Variants in LPP observed in about 807,000 individuals in gnomAD.
The protein encoded by LPP is lipoma-preferred partner.
A neutral mutation model predicts 60.4 loss-of-function variants in LPP; 38 were observed. That is an observed-to-expected ratio of 0.63 (90% CI 0.49 to 0.83). LPP has a LOEUF of 0.83. LPP is among the 40% of genes least tolerant of loss of function. The pLI is 0.00. For synonymous variants in LPP, 328 were observed against 290.8 expected, an observed-to-expected ratio of 1.13 and a Z score of -1.30; for missense variants, 902 against 783.6, an observed-to-expected ratio of 1.15 and a Z score of -1.80.
At chr3:188,543,031 G>C (rs1405199811) in intron 6 of LPP, among the ~76,000 whole-genome samples, 1 of 151,720 alleles carries the variant, frequency 6.6e-6, no homozygotes, top group Non-Finnish European at 1.5e-5. Context: ...CCTCAGGTCT[G>C]ACTGCTCTTT....
intron 3 of LPP, among the ~76,000 whole-genome samples, chr3:188,350,186 A>G (rs1406360783): frequency 6.6e-6 from 1 of 152,190 alleles, no homozygotes; most frequent in Non-Finnish European, 1.5e-5. Flanking sequence ...TAGCTTGCTA[A>G]GAAATTGAAG....
Position 188,342,488 on chromosome 3 carries a change from A to G in LPP, c.-10+769A>G, listed in dbSNP as rs144938717. On this transcript the variant is annotated intron_variant, in intron 3 of 11. Coordinates refer to ENST00000617246, the MANE Select transcript of LPP (RefSeq NM_001375462.1). ...CAACCTGCTGAATCTGTACCTTCTA[A>G]TGAGCTCTACTGTGTTTTATGTAAT... 5.5e-3 allele frequency among the ~76,000 whole-genome samples: 845 copies of G among 152,326 alleles called. 8 individuals carry two copies. The highest frequency in any genetic ancestry group is 0.017 in the Middle Eastern group (5 of 294).
rs373917408 is a variant in LPP, at chr3:188,240,553, T to G, written c.-67+15026T>G. The stretch of plus-strand genomic sequence containing the variant: ...AGGAAACTGATGTGCCTAGAGTAGT[T>G]GAGAGCTTTATTCAAACTCATTCCA... On this transcript the variant is annotated intron_variant, in intron 2 of 11. Transcript: ENST00000617246. Among the ~76,000 whole-genome samples the G allele has an allele frequency of 3.3e-5, 5 of 152,196 alleles. No homozygotes were observed. The East Asian group carries it at 7.7e-4, about 23-fold the overall frequency.
chr3:188,890,038 C>T lies in LPP; in HGVS notation c.*15559C>T, dbSNP rs927098959. Reference sequence around the variant, plus strand: ...TGGGAAGAAACACAGCATGGCTTTGCTCTGAGTTTCAATCTGATGATTATG... The same window carrying T: ...TGGGAAGAAACACAGCATGGCTTTGTTCTGAGTTTCAATCTGATGATTATG... On this transcript the variant is annotated 3_prime_UTR_variant, in exon 12 of 12. Transcript: ENST00000617246. The T allele has an allele frequency of 1.9e-5, 4 of 213,276 alleles. No homozygotes were observed. Among genetic ancestry groups the T allele is most frequent in the Non-Finnish European group, 3.8e-5 (4 of 105,684 alleles). The allele number at this position is 213,276 out of a possible 1,614,324, so 13.2% of individuals were successfully genotyped here.
Position 188,610,899 on chromosome 3 carries a change from C to T in LPP, c.1113+1055C>T, listed in dbSNP as rs1341213993. Among the ~76,000 whole-genome samples, 1 of 152,094 alleles carries T rather than the reference C, an allele frequency of 6.6e-6. No individual in the cohort carries two copies. On this transcript the variant is annotated intron_variant, in intron 7 of 11. Coordinates refer to ENST00000617246, the MANE Select transcript of LPP (RefSeq NM_001375462.1). The surrounding 1 kb of genome is among the most constrained non-coding windows in gnomAD (Gnocchi z 4.4). ...TGTGAGAAATCAGAAATTTGAGAGC[C>T]CTCAATTAGCTAGAAGTTCAATGGT...
rs575272525 is a variant in LPP at position 188,366,572 on chromosome 3, T to A, written c.-10+24853T>A. Among the ~76,000 whole-genome samples, 11 of 152,338 alleles carry A rather than the reference T, an allele frequency of 7.2e-5. No individual in the cohort carries two copies. The South Asian group carries it at 1.0e-3, about 14-fold the overall frequency. On this transcript the variant is annotated intron_variant, in intron 3 of 11. Transcript: ENST00000617246. ...ACTCTCGCCTGAATTCCTTAACGTG[T>A]GTGAGGTATTTTGGTGTGTGGCTAG...
intron 8 of LPP, chr3:188,759,291 A>G (rs1731358452): frequency 6.6e-6 from 1 of 152,254 alleles, no homozygotes; most frequent in Non-Finnish European, 1.5e-5. Context: ...CAATTTAAGA[A>G]TGCTGGAGCT....
chr3:188,475,801 G>C (rs1185712811), intron 4 of LPP, among the ~76,000 whole-genome samples: 1 of 152,198 alleles, frequency 6.6e-6, no homozygotes, highest in Non-Finnish European at 1.5e-5. Context: ...TACTCGGGAG[G>C]CTGAGGCAGG....
At chr3:188,700,827 A>C (rs1864253920) in intron 7 of LPP, among the ~76,000 whole-genome samples, 1 of 152,232 alleles carries the variant, frequency 6.6e-6, no homozygotes, top group African/African-American at 2.4e-5. Context: ...AGGATCTGTA[A>C]ATATGAATAT....
chr3:188,329,098 C>T (rs1271512172), intron 2 of LPP, among the ~76,000 whole-genome samples: 3 of 152,074 alleles, frequency 2.0e-5, no homozygotes, highest in African/African-American at 7.2e-5. Context: ...TAATTTTGAA[C>T]TTGTGGACTC....
chr3:188,357,550 C>G (rs2150902126), intron 3 of LPP, among the ~76,000 whole-genome samples: 1 of 152,242 alleles, frequency 6.6e-6, no homozygotes, highest in Non-Finnish European at 1.5e-5. Context: ...TGGGGATGCA[C>G]CCGGGTTTAG....
intron 8 of LPP, chr3:188,708,757 C>T (rs1159784960): frequency 6.4e-6 from 2 of 314,416 alleles, no homozygotes; most frequent in East Asian, 1.0e-4. Context: ...ACTCAGAAGG[C>T]TGAGGCTGGA....
At chr3:188,863,187 T>G (rs1276225947) in intron 9 of LPP, among the ~76,000 whole-genome samples, 1 of 152,210 alleles carries the variant, frequency 6.6e-6, no homozygotes, top group Non-Finnish European at 1.5e-5. Flanking sequence ...TTAATACTGA[T>G]TTATCACAGA....
chr3:188,545,266 A>AC (rs1491130776), intron 6 of LPP, among the ~76,000 whole-genome samples: 1 of 84,930 alleles, frequency 1.2e-5, no homozygotes, highest in African/African-American at 3.6e-5. Flanking sequence ...AAAAAAAAAA[A>AC]CATTAAAAAA....
At chr3:188,802,822 T>C (rs958857200) in intron 9 of LPP, among the ~76,000 whole-genome samples, 1 of 151,962 alleles carries the variant, frequency 6.6e-6, no homozygotes, top group East Asian at 1.9e-4. Flanking sequence ...ATATTGCATA[T>C]GGATAAATTT....
chr3:188,785,626 G>A (rs1358044734), intron 9 of LPP, among the ~76,000 whole-genome samples: 1 of 149,506 alleles, frequency 6.7e-6, no homozygotes, highest in Non-Finnish European at 1.5e-5. Flanking sequence ...GGGCATTTGG[G>A]TTGGTTCCAT....
intron 9 of LPP, among the ~76,000 whole-genome samples, chr3:188,766,379 A>AAAAAAAAAAAAAATAAAT (rs1217247163): frequency 1.4e-5 from 1 of 69,182 alleles, no homozygotes; most frequent in South Asian, 4.5e-4. Context: ...CTTAAAAAGC[A>AAAAAAAAAAAAAATAAAT]AAAAAAAAAG....
intron 5 of LPP, among the ~76,000 whole-genome samples, chr3:188,506,574 C>G (rs1383580088): frequency 1.3e-5 from 2 of 152,152 alleles, no homozygotes; most frequent in African/African-American, 4.8e-5. Flanking sequence ...ATGGTCCTAA[C>G]CCCTCTGCCC....
chr3:188,762,955 A>G (rs888630325), intron 9 of LPP, among the ~76,000 whole-genome samples: 1 of 152,230 alleles, frequency 6.6e-6, no homozygotes, highest in African/African-American at 2.4e-5. Context: ...TGGATGTATC[A>G]GAACTTTAAT....
Sources: allele counts gnomAD v4.1 joint callset (sites outside exome capture counted in the v4.1 genomes callset), GRCh38; gene constraint gnomAD v4.1.1; non-coding constraint Gnocchi (gnomAD v3.1); transcripts MANE v1.5; gene names NCBI Gene and HGNC (gene_info 2026-07-23, HGNC 2026-07-21).